RYR3: variants seen among roughly 807,000 people sequenced by gnomAD.
The protein encoded by RYR3 is ryanodine receptor 3, also known as brain ryanodine receptor-calcium release channel.
RYR3 carries 207 observed loss-of-function variants against 584.3 expected under a neutral mutation model. The ratio of observed to expected loss-of-function variants is 0.35; its 90% confidence interval spans 0.32 to 0.40. The LOEUF is 0.40. RYR3 is among the 10% of genes least tolerant of loss of function. The pLI, the probability that RYR3 is intolerant of heterozygous loss-of-function variation, is 1.00. For synonymous variants in RYR3, 2,416 were observed against 2,248.5 expected (o/e 1.07, Z -2.11); for missense variants, 5,616 against 6,089.2 (o/e 0.92, Z 2.59).
At chr15:33,687,143 G>A (rs2065069147) in intron 38 of RYR3, among the ~76,000 whole-genome samples, 1 of 152,178 alleles carries the variant, frequency 6.6e-6, no homozygotes. Flanking sequence ...GTTTGCCAAT[G>A]ACATGATTGT....
chr15:33,804,604 A>G (rs933051887), intron 69 of RYR3, among the ~76,000 whole-genome samples: 15 of 152,198 alleles, frequency 9.9e-5, no homozygotes, highest in African/African-American at 3.6e-4. Flanking sequence ...AATACAGTGC[A>G]TTATTTCAGA....
intron 10 of RYR3, among the ~76,000 whole-genome samples, chr15:33,558,309 A>G (rs1261343965): frequency 7.1e-6 from 1 of 141,780 alleles, no homozygotes; most frequent in Non-Finnish European, 1.5e-5. Flanking sequence ...AGGTGTTCTC[A>G]TTGTTCAATT....
Position 33,410,706 on chromosome 15 carries a change from G to A in RYR3, c.52-62713G>A, listed in dbSNP as rs536840209. 3.5e-4 allele frequency among the ~76,000 whole-genome samples: 53 copies of A among 152,296 alleles called. No homozygotes were observed. In the South Asian group the frequency reaches 4.1e-3, roughly 12 times the overall value. Reference sequence around the variant, plus strand: ...GAGTGATATGAGTGGCATGGGCCCCGCACAGCATGGCAGTGGGTGGAAGGC... The same window carrying A: ...GAGTGATATGAGTGGCATGGGCCCCACACAGCATGGCAGTGGGTGGAAGGC... On this transcript the variant is annotated intron_variant, in intron 1 of 103. Coordinates refer to ENST00000634891, the MANE Select transcript of RYR3 (RefSeq NM_001036.6).
At chr15:33,680,335 T>G (rs368564745) in intron 38 of RYR3, among the ~76,000 whole-genome samples, 1 of 152,220 alleles carries the variant, frequency 6.6e-6, no homozygotes, top group Non-Finnish European at 1.5e-5. Flanking sequence ...TCAGGTAGAA[T>G]AGCCATTAAC....
At chr15:33,864,894 G>A (rs549548482) in intron 103 of RYR3, 2 of 469,988 alleles carry the variant, frequency 4.3e-6, no homozygotes, top group Admixed American at 3.8e-5. Flanking sequence ...TTTCAGTTTT[G>A]CTTGTTTGGG....
intron 75 of RYR3, among the ~76,000 whole-genome samples, chr15:33,818,146 C>T (rs115740026): frequency 1.6e-3 from 246 of 152,186 alleles, no homozygotes; most frequent in African/African-American, 5.8e-3. Context: ...TGCCCCACCT[C>T]CATGTCCAGC....
chr15:33,460,976 G>A (rs1003751165), intron 1 of RYR3, among the ~76,000 whole-genome samples: 16 of 64,030 alleles, frequency 2.5e-4, no homozygotes, highest in Admixed American at 6.2e-4. Context: ...ACGGAGTCTC[G>A]CTGTGTCGCC....
chr15:33,664,620 T>TGTAC lies in RYR3; in HGVS notation c.5619+886_5619+887insCGTA, dbSNP rs1596046187. ...ATATATATATATATATATATACGTA[T>TGTAC]GTATACATCTGCGAGGGAGATGCAA... On this transcript the variant is annotated intron_variant, in intron 36 of 103. Transcript: ENST00000634891. 2.7e-5 allele frequency among the ~76,000 whole-genome samples: 4 copies of TGTAC among 145,614 alleles called. No individual in the cohort carries two copies. The East Asian group carries it at 8.0e-4, about 29-fold the overall frequency.
At chr15:33,435,353 G>A (rs1245471412) in intron 1 of RYR3, among the ~76,000 whole-genome samples, 5 of 152,128 alleles carry the variant, frequency 3.3e-5, no homozygotes, top group Non-Finnish European at 5.9e-5. Context: ...TTCACGTATA[G>A]TGATATATAT....
chr15:33,741,174 TTGAGGAATG>T (rs1325431530), intron 51 of RYR3, among the ~76,000 whole-genome samples: 4 of 152,204 alleles, frequency 2.6e-5, no homozygotes. Context: ...ACATAGTTCC[TTGAGGAATG>T]TGAGGAATGG....
intron 1 of RYR3, among the ~76,000 whole-genome samples, chr15:33,347,638 G>A (rs1158994351): frequency 6.6e-6 from 1 of 151,920 alleles, no homozygotes; most frequent in Admixed American, 6.6e-5. Context: ...CAGTAGAGAC[G>A]GGGTTTCACC....
rs58951939 is a variant in RYR3, at chr15:33,725,154, TACACAC to T, written c.6912+1022_6912+1027del. ...TTACTGCCTCTCTGCTCCAACACCT[TACACAC>T]ACACACACACACACACACACACACA... On this transcript the variant is annotated intron_variant, in intron 45 of 103. Coordinates refer to ENST00000634891, the MANE Select transcript of RYR3 (RefSeq NM_001036.6). 9.0e-3 allele frequency among the ~76,000 whole-genome samples: 1,028 copies of T among 113,868 alleles called. 9 individuals are homozygous for T. Among genetic ancestry groups the T allele is most frequent in the Middle Eastern group, 0.032 (7 of 216 alleles). 74.7% of individuals were successfully genotyped at this position (113,868 alleles called of 152,430 possible).
intron 60 of RYR3, among the ~76,000 whole-genome samples, chr15:33,763,530 GTCA>G (rs2152872503): frequency 6.6e-6 from 1 of 152,244 alleles, no homozygotes; most frequent in African/African-American, 2.4e-5. Context: ...ATCATCACTG[GTCA>G]TTAGAGACAT....
At chr15:33,853,910 TG>T (rs1327129054) in intron 96 of RYR3, among the ~76,000 whole-genome samples, 1 of 152,086 alleles carries the variant, frequency 6.6e-6, no homozygotes, top group Non-Finnish European at 1.5e-5. Context: ...AATTTCAGGT[TG>T]GGCTGGGCGC....
chr15:33,313,156 G>A (rs531040051), intron 1 of RYR3, among the ~76,000 whole-genome samples: 19 of 152,130 alleles, frequency 1.2e-4, no homozygotes, highest in Non-Finnish European at 2.1e-4. Flanking sequence ...ATTTTTTAAG[G>A]TGTGTTCCTC....
At chr15:33,804,802 C>T (rs1460208793) in intron 69 of RYR3, among the ~76,000 whole-genome samples, 3 of 152,156 alleles carry the variant, frequency 2.0e-5, no homozygotes, top group Non-Finnish European at 4.4e-5. Flanking sequence ...CCTGTACTTG[C>T]TTTTATCTCC....
intron 94 of RYR3, chr15:33,850,428 G>A (rs1484434195): frequency 1.3e-5 from 2 of 150,588 alleles, no homozygotes; most frequent in Non-Finnish European, 2.9e-5. Context: ...GTATCCTAAG[G>A]AGATAATGAG....
At chr15:33,658,353 C>T (rs1261245880) in intron 32 of RYR3, among the ~76,000 whole-genome samples, 3 of 152,224 alleles carry the variant, frequency 2.0e-5, no homozygotes, top group Non-Finnish European at 2.9e-5. Context: ...GTGGCCCTCT[C>T]GTAAGCCTTC....
Position 33,311,033 on chromosome 15 carries a change from C to G in RYR3, c.-13C>G. On this transcript the variant is annotated 5_prime_UTR_variant, in exon 1 of 104. Transcript: ENST00000634891. The surrounding 1 kb of genome is among the most constrained non-coding windows in gnomAD (Gnocchi z 4.4). Reference sequence around the variant, plus strand: ...GCGCCGGAGGCTGGGGCACCGCCGACGCCTCGGGAGCCATGGCCGAAGGGG... The same window carrying G: ...GCGCCGGAGGCTGGGGCACCGCCGAGGCCTCGGGAGCCATGGCCGAAGGGG... The G allele has an allele frequency of 6.4e-7, 1 of 1,574,678 alleles. No homozygotes were observed.
Sources: allele counts gnomAD v4.1 joint callset (sites outside exome capture counted in the v4.1 genomes callset), GRCh38; gene constraint gnomAD v4.1.1; non-coding constraint Gnocchi (gnomAD v3.1); transcripts MANE v1.5; gene names NCBI Gene and HGNC (gene_info 2026-07-23, HGNC 2026-07-21).